The following THSD7B variants were observed in gnomAD, a reference collection of about 807,000 sequenced individuals.
THSD7B encodes thrombospondin type-1 domain-containing protein 7B.
Under a neutral mutation model 213.6 loss-of-function variants are expected in THSD7B, and 138 were observed. The ratio of observed to expected loss-of-function variants is 0.65; its 90% CI spans 0.56 to 0.74. THSD7B has a LOEUF of 0.74. Ranked by LOEUF, THSD7B falls within the 30% of genes least tolerant of loss-of-function variation. The pLI, the probability that THSD7B is intolerant of heterozygous loss-of-function variation, is 0.00. For synonymous variants in THSD7B, 742 were observed against 687.0 expected (o/e 1.08, Z -1.25); for missense variants, 1,931 against 1,991.5 (o/e 0.97, Z 0.58).
At chr2:136,786,332 G>A (rs1343518129) in intron 1 of THSD7B, among the ~76,000 whole-genome samples, 1 of 152,012 alleles carries the variant, frequency 6.6e-6, no homozygotes, top group African/African-American at 2.4e-5. Context: ...TTTCCCAGTT[G>A]TCACCAAAAT....
intron 15 of THSD7B, among the ~76,000 whole-genome samples, chr2:137,535,644 A>G (rs1199223923): frequency 6.6e-6 from 1 of 151,784 alleles, no homozygotes; most frequent in Admixed American, 6.6e-5. Context: ...GGATACACCT[A>G]GGAACATGAC....
At chr2:137,191,462 T>C (rs893889505) in intron 7 of THSD7B, among the ~76,000 whole-genome samples, 14 of 151,982 alleles carry the variant, frequency 9.2e-5, no homozygotes, top group African/African-American at 3.1e-4. Flanking sequence ...CCTTTCTGCT[T>C]GAGACAGCTG....
chr2:137,330,453 A>C (rs1011207974), intron 12 of THSD7B, among the ~76,000 whole-genome samples: 2 of 152,172 alleles, frequency 1.3e-5, no homozygotes, highest in Non-Finnish European at 2.9e-5. Flanking sequence ...GTGGACCCTC[A>C]TGGTGAGTGT....
chr2:137,600,843 T>C (rs545429990), intron 17 of THSD7B, among the ~76,000 whole-genome samples: 80 of 152,332 alleles, frequency 5.3e-4, no homozygotes, highest in Admixed American at 1.2e-3. Flanking sequence ...ATGATAGCTC[T>C]ATGCATGTTA....
At chr2:137,307,785 T>G (rs1015008936) in intron 12 of THSD7B, among the ~76,000 whole-genome samples, 1 of 152,088 alleles carries the variant, frequency 6.6e-6, no homozygotes, top group Non-Finnish European at 1.5e-5. Flanking sequence ...CTTCTTAGAG[T>G]AGATTAGCAT....
intron 2 of THSD7B, among the ~76,000 whole-genome samples, chr2:136,940,859 AGTT>A (rs1645409944): frequency 2.1e-5 from 3 of 142,766 alleles, no homozygotes; most frequent in African/African-American, 2.6e-5. Context: ...TTCCATTCTT[AGTT>A]GTTTTTTTTT....
intron 12 of THSD7B, among the ~76,000 whole-genome samples, chr2:137,293,210 C>T (rs1683380165): frequency 6.6e-6 from 1 of 151,904 alleles, no homozygotes; most frequent in Non-Finnish European, 1.5e-5. Context: ...ACAATCATGG[C>T]TCACTGCAGC....
chr2:137,671,458 T>C (rs574269951), intron 27 of THSD7B, among the ~76,000 whole-genome samples: 3 of 71,644 alleles, frequency 4.2e-5, no homozygotes, highest in African/African-American at 9.9e-5. Flanking sequence ...AGAGATTTAA[T>C]TGACTCAACA....
At chr2:136,863,819 C>T (rs1288531106) in intron 1 of THSD7B, among the ~76,000 whole-genome samples, 1 of 152,190 alleles carries the variant, frequency 6.6e-6, no homozygotes, top group Non-Finnish European at 1.5e-5. Context: ...ATATTAACCT[C>T]TTACAAGGGA....
chr2:137,557,476 A>G (rs1338343129), intron 15 of THSD7B, among the ~76,000 whole-genome samples: 1 of 152,210 alleles, frequency 6.6e-6, no homozygotes, highest in African/African-American at 2.4e-5. Flanking sequence ...TGGGTACATA[A>G]TGAAATGAAG....
At chr2:137,216,319 TGAA>T (rs1216313570) in intron 7 of THSD7B, among the ~76,000 whole-genome samples, 1 of 119,222 alleles carries the variant, frequency 8.4e-6, no homozygotes, top group Non-Finnish European at 1.6e-5. Flanking sequence ...TGAAGAAAAT[TGAA>T]GAATATTTTC....
intron 2 of THSD7B, among the ~76,000 whole-genome samples, chr2:136,925,748 T>C (rs994119841): frequency 2.0e-5 from 3 of 152,156 alleles, no homozygotes; most frequent in Admixed American, 2.0e-4. Flanking sequence ...TTGGTGTTAA[T>C]TTTTCTCTAA....
intron 2 of THSD7B, among the ~76,000 whole-genome samples, chr2:137,030,746 G>C (rs1686649716): frequency 6.6e-6 from 1 of 152,094 alleles, no homozygotes. Context: ...ATACAGAGTG[G>C]TATAATGGAC....
chr2:137,552,492 A>G (rs927176587), intron 15 of THSD7B, among the ~76,000 whole-genome samples: 5 of 152,110 alleles, frequency 3.3e-5, no homozygotes, highest in Non-Finnish European at 7.4e-5. Flanking sequence ...GTTAGTAAGG[A>G]TCATACCAAC....
At chr2:136,983,506 T>TG (rs1409898451) in intron 2 of THSD7B, among the ~76,000 whole-genome samples, 1 of 151,720 alleles carries the variant, frequency 6.6e-6, no homozygotes, top group Non-Finnish European at 1.5e-5. Context: ...AAATCTGTTT[T>TG]TTTTTTTTTT....
intron 7 of THSD7B, among the ~76,000 whole-genome samples, chr2:137,198,582 T>G (rs1303013638): frequency 1.3e-5 from 2 of 152,134 alleles, no homozygotes; most frequent in East Asian, 3.9e-4. Flanking sequence ...ACCATCTGAA[T>G]AATGACCAGA....
chr2:137,287,365 A>T (rs1473327318), intron 12 of THSD7B, among the ~76,000 whole-genome samples: 1 of 152,150 alleles, frequency 6.6e-6, no homozygotes, highest in Non-Finnish European at 1.5e-5. Flanking sequence ...GTGTTTTATA[A>T]CACCAGAGGC....
chr2:137,675,403 CAT>C (rs55940004), intron 27 of THSD7B, among the ~76,000 whole-genome samples: 2,155 of 114,960 alleles, frequency 0.019, 17 homozygotes, highest in African/African-American at 0.023. Flanking sequence ...AAATGAATGC[CAT>C]ATATATATAT....
intron 1 of THSD7B, among the ~76,000 whole-genome samples, chr2:136,868,414 A>T (rs1013259614): frequency 3.3e-5 from 5 of 152,208 alleles, no homozygotes; most frequent in African/African-American, 1.2e-4. Context: ...ACTTGTAAAG[A>T]TAATGGAAGA....
Sources: gnomAD v4.1 joint callset for allele counts (sites outside exome capture counted in the v4.1 genomes callset) on GRCh38, gnomAD v4.1.1 for gene constraint, MANE v1.5 for transcripts, NCBI Gene and HGNC (gene_info 2026-07-23, HGNC 2026-07-21) for gene names.